The following CTNNA3 variants were observed in gnomAD, a reference collection of about 807,000 sequenced individuals.
CTNNA3 encodes catenin alpha 3.
CTNNA3 carries 76 observed loss-of-function variants against 95.7 expected under a neutral mutation model. The observed-to-expected ratio is 0.79, with a 90% CI of 0.66 to 0.96. CTNNA3 has a LOEUF of 0.96. Ranked by LOEUF, CTNNA3 falls within the 40% of genes least tolerant of loss-of-function variation. CTNNA3 has a pLI of 0.00. For missense variants in CTNNA3, 1,191 were observed against 1,089.8 expected (o/e 1.09, Z -1.31); for synonymous variants, 431 against 374.4 (o/e 1.15, Z -1.74).
chr10:66,492,867 G>A (rs1422768598), intron 11 of CTNNA3, among the ~76,000 whole-genome samples: 1 of 152,070 alleles, frequency 6.6e-6, no homozygotes, highest in Non-Finnish European at 1.5e-5. Context: ...TGATAGAGAA[G>A]GAAGAAACAA....
intron 7 of CTNNA3, among the ~76,000 whole-genome samples, chr10:66,867,763 T>A (rs1043297514): frequency 6.6e-6 from 1 of 151,684 alleles, no homozygotes; most frequent in African/African-American, 2.4e-5. Context: ...GTCTACTATA[T>A]CTCTTAAAAT....
intron 7 of CTNNA3, among the ~76,000 whole-genome samples, chr10:66,888,477 A>T (rs935193848): frequency 1.2e-4 from 18 of 152,184 alleles, no homozygotes; most frequent in Admixed American, 1.2e-3. Context: ...TATAGCAACA[A>T]GATACACCTA....
rs189181099 is a variant in CTNNA3 at position 66,554,533 on chromosome 10, C to T, written c.1375-33760G>A. ...TTAATAGCTGTTACTCTTTCTTTTG[C>T]ATTCCAGTCCTTTGTATCTTTGCAT... On this transcript the variant is annotated intron_variant, in intron 10 of 17. Transcript: ENST00000433211. Among the ~76,000 whole-genome samples, 550 of 152,250 alleles carry T rather than the reference C, an allele frequency of 3.6e-3. 5 individuals are homozygous for T. The highest frequency in any genetic ancestry group is 0.013 in the African/African-American group (537 of 41,564).
At chr10:66,397,437 G>T (rs964626328) in intron 11 of CTNNA3, among the ~76,000 whole-genome samples, 1 of 151,390 alleles carries the variant, frequency 6.6e-6, no homozygotes, top group Non-Finnish European at 1.5e-5. Flanking sequence ...CTCTCTCTTT[G>T]CCCACCAAAT....
chr10:66,735,845 C>T (rs1298859517), intron 9 of CTNNA3, among the ~76,000 whole-genome samples: 2 of 152,186 alleles, frequency 1.3e-5, no homozygotes, highest in African/African-American at 2.4e-5. Context: ...CTGACCTAGG[C>T]CTGACCATGA....
intron 5 of CTNNA3, among the ~76,000 whole-genome samples, chr10:67,364,492 A>G (rs1269990466): frequency 6.6e-6 from 1 of 152,168 alleles, no homozygotes; most frequent in African/African-American, 2.4e-5. Flanking sequence ...CAGGAGAAAG[A>G]AATAAAGGGT....
chr10:67,589,562 A>T (rs1466638627), intron 3 of CTNNA3, among the ~76,000 whole-genome samples: 1 of 152,134 alleles, frequency 6.6e-6, no homozygotes, highest in Non-Finnish European at 1.5e-5. Context: ...CTCTCTCATT[A>T]TAAACTCTTA....
rs759203141 is a variant in CTNNA3 at position 66,621,692 on chromosome 10, C to T, written c.1374G>A (p.Gln458=). The T allele has an allele frequency of 1.3e-6, 2 of 1,580,550 alleles. No homozygotes were observed. ...ACAAAAAGTAACTTAGTTGTCATAC[C>T]TGTGGACACAAGGTTTCCAAATGAT... ...AANHLETLCP[Q]IINAALALAA... The change falls in exon 10 of 18, where the codon CAG becomes CAA. Residue 458 remains glutamine, a splice_region_variant and synonymous_variant. Coordinates refer to ENST00000433211, the MANE Select transcript of CTNNA3 (RefSeq NM_013266.4).
intron 7 of CTNNA3, among the ~76,000 whole-genome samples, chr10:66,943,118 GA>G (rs758092250): frequency 2.0e-5 from 3 of 152,146 alleles, no homozygotes; most frequent in Non-Finnish European, 2.9e-5. Context: ...ATTTTCTCAA[GA>G]GACAAATTTG....
At position 66,775,439 on chromosome 10, in the gene CTNNA3, C is replaced by T; in HGVS notation, c.1128+5G>A. 1.3e-6 allele frequency: 2 copies of T among 1,599,968 alleles called. No homozygotes were observed. Among genetic ancestry groups the T allele is most frequent in the Non-Finnish European group, 1.7e-6 (2 of 1,169,214 alleles). On this transcript the variant is annotated splice_donor_5th_base_variant and intron_variant, in intron 8 of 17. Transcript: ENST00000433211. ...TTCTGACTCCATATCTCTCTCTTCC[C>T]TCACCTGTCTGCGAAGGTCTCTTGT...
chr10:67,304,649 C>T (rs1208546831), intron 5 of CTNNA3, among the ~76,000 whole-genome samples: 1 of 151,916 alleles, frequency 6.6e-6, no homozygotes, highest in Non-Finnish European at 1.5e-5. Context: ...TTGGAAGGAT[C>T]AGCTAACCAA....
intron 7 of CTNNA3, among the ~76,000 whole-genome samples, chr10:67,061,184 T>C (rs1259276229): frequency 1.3e-5 from 2 of 152,192 alleles, no homozygotes; most frequent in East Asian, 1.9e-4. Flanking sequence ...TCCTCTATGA[T>C]ACCTGGCATA....
intron 1 of CTNNA3, among the ~76,000 whole-genome samples, chr10:67,741,053 G>A (rs1013584156): frequency 3.2e-4 from 49 of 150,996 alleles, no homozygotes; most frequent in African/African-American, 1.1e-3. Context: ...GTAAACTATC[G>A]CAAGAACAAA....
chr10:66,191,153 T>G (rs932554230), intron 13 of CTNNA3, among the ~76,000 whole-genome samples: 7 of 152,140 alleles, frequency 4.6e-5, no homozygotes, highest in Admixed American at 1.3e-4. Flanking sequence ...ATCTAAGAAC[T>G]TATATACATA....
chr10:67,342,099 C>CTTTTTTTTTTTTTT, intron 5 of CTNNA3, among the ~76,000 whole-genome samples: 1 of 83,658 alleles, frequency 1.2e-5, no homozygotes, highest in Non-Finnish European at 2.2e-5. Context: ...TATTTTTCTT[C>CTTTTTTTTTTTTTT]TTTTTTTTTT....
At chr10:67,304,777 G>T (rs990583323) in intron 5 of CTNNA3, among the ~76,000 whole-genome samples, 2 of 151,926 alleles carry the variant, frequency 1.3e-5, no homozygotes, top group African/African-American at 4.8e-5. Context: ...AAATAAGCAG[G>T]TAGTTATAGT....
chr10:66,984,626 A>G (rs4746651), intron 7 of CTNNA3, among the ~76,000 whole-genome samples: 124,051 of 152,006 alleles, frequency 0.82, 50,903 homozygotes, highest in Admixed American at 0.88. Flanking sequence ...ATATTATTAG[A>G]GTAAATAGTA....
At chr10:67,290,561 C>T (rs572521181) in intron 5 of CTNNA3, among the ~76,000 whole-genome samples, 2 of 152,212 alleles carry the variant, frequency 1.3e-5, no homozygotes, top group Admixed American at 6.5e-5. Flanking sequence ...CACTTTGAAT[C>T]TTCACAAACA....
chr10:67,007,481 T>A (rs541790436), intron 7 of CTNNA3, among the ~76,000 whole-genome samples: 1 of 152,170 alleles, frequency 6.6e-6, no homozygotes, highest in South Asian at 2.1e-4. Context: ...GATAAAATAT[T>A]TGACAAGCAG....
Sources: allele counts gnomAD v4.1 joint callset (sites outside exome capture counted in the v4.1 genomes callset), GRCh38; gene constraint gnomAD v4.1.1; transcripts MANE v1.5; gene names NCBI Gene and HGNC (gene_info 2026-07-23, HGNC 2026-07-21).